The following PCDHGA5 variants were observed in gnomAD, a reference collection of about 807,000 sequenced individuals.
The protein encoded by PCDHGA5 is protocadherin gamma subfamily A, 5, also known as protocadherin gamma-A5.
PCDHGA5 carries 36 observed loss-of-function variants against 56.7 expected under a neutral mutation model. The ratio of observed to expected loss-of-function variants is 0.64; its 90% CI spans 0.49 to 0.84. The LOEUF (loss-of-function observed/expected upper bound fraction) is 0.84, where lower values mean the gene tolerates loss of function less well. Ranked by LOEUF, PCDHGA5 falls within the 40% of genes least tolerant of loss-of-function variation. PCDHGA5 has a pLI of 0.00. For missense variants in PCDHGA5, 1,305 were observed against 1,201.5 expected (o/e 1.09, Z -1.27); for synonymous variants, 563 against 520.2 (o/e 1.08, Z -1.12).
At chr5:141,438,595 T>C (rs11949887) in intron 1 of PCDHGA5, among the ~76,000 whole-genome samples, 1,254 of 57,838 alleles carry the variant, frequency 0.022, 9 homozygotes, top group Non-Finnish European at 0.023. Flanking sequence ...TACATACATA[T>C]ATATATATAT....
intron 1 of PCDHGA5, among the ~76,000 whole-genome samples, chr5:141,381,932 C>A (rs1205042648): frequency 2.1e-5 from 3 of 144,772 alleles, no homozygotes; most frequent in Non-Finnish European, 4.5e-5. Flanking sequence ...CGGGTTCAAG[C>A]GATTTTCCTG....
rs749469652 is a variant in PCDHGA5, at chr5:141,371,514, CT to C, written c.2421+4764del. On this transcript the variant is annotated intron_variant, in intron 1 of 3. Transcript: ENST00000518069. The stretch of plus-strand genomic sequence containing the variant: ...CGTTGCCCTGATCAAAACACATGAT[CT>C]AGATTCTGGATTTAATGGAGAAATC... The C allele has an allele frequency of 1.9e-6, 3 of 1,613,792 alleles. No homozygotes were observed. The South Asian group carries it at 3.3e-5, about 18-fold the overall frequency.
intron 1 of PCDHGA5, chr5:141,423,833 T>G: frequency 1.8e-5 from 23 of 1,262,362 alleles, no homozygotes; most frequent in East Asian, 7.3e-5. Flanking sequence ...TTCATGAGAT[T>G]ACGATAATCT....
intron 1 of PCDHGA5, chr5:141,417,697 C>T: frequency 8.8e-7 from 1 of 1,140,966 alleles, no homozygotes; most frequent in Non-Finnish European, 1.2e-6. Context: ...AAAACCAGCT[C>T]CCACACAGAG....
rs762413220 is a variant in PCDHGA5 at position 141,403,196 on chromosome 5, G to T, written c.2421+36445G>T. 1.9e-6 allele frequency: 3 copies of T among 1,613,986 alleles called. No individual in the cohort carries two copies. The South Asian group carries it at 3.3e-5, about 18-fold the overall frequency. ...GCTTTTCTCTCTGAACCCGCGCAGC[G>T]GCACCTTGGTCACCGCGGGTAGGAT... is the stretch of plus-strand genomic sequence containing the variant. On this transcript the variant is annotated intron_variant, in intron 1 of 3. Transcript: ENST00000518069.
chr5:141,482,135 G>T (rs987110875), intron 1 of PCDHGA5, among the ~76,000 whole-genome samples: 1 of 151,836 alleles, frequency 6.6e-6, no homozygotes, highest in African/African-American at 2.4e-5. Context: ...CATATGGCTG[G>T]CATAAAAAGG....
intron 1 of PCDHGA5, chr5:141,372,728 A>G (rs1769012432): frequency 1.2e-6 from 2 of 1,613,562 alleles, no homozygotes; most frequent in African/African-American, 2.7e-5. Flanking sequence ...CTGCACCACA[A>G]GATCTTCTAT....
chr5:141,437,512 G>A (rs1201910374), intron 1 of PCDHGA5, among the ~76,000 whole-genome samples: 2 of 152,144 alleles, frequency 1.3e-5, no homozygotes, highest in African/African-American at 2.4e-5. Flanking sequence ...TGAATTATAA[G>A]GCTGATGACA....
At chr5:141,501,238 G>A (rs1482962385) in intron 2 of PCDHGA5, among the ~76,000 whole-genome samples, 2 of 151,018 alleles carry the variant, frequency 1.3e-5, no homozygotes, top group African/African-American at 4.9e-5. Flanking sequence ...AGTTTTTTGA[G>A]CATGATGTAG....
At chr5:141,433,604 G>A (rs2097631609) in intron 1 of PCDHGA5, among the ~76,000 whole-genome samples, 1 of 152,138 alleles carries the variant, frequency 6.6e-6, no homozygotes, top group Non-Finnish European at 1.5e-5. Flanking sequence ...GGGAGGCCGA[G>A]GCGGGTGGAT....
intron 1 of PCDHGA5, among the ~76,000 whole-genome samples, chr5:141,483,907 C>T (rs545585133): frequency 6.0e-5 from 9 of 151,124 alleles, no homozygotes; most frequent in Non-Finnish European, 1.0e-4. Flanking sequence ...TGGTGTGTTT[C>T]CCACTCAGAT....
chr5:141,438,180 A>G (rs2097937602), intron 1 of PCDHGA5, among the ~76,000 whole-genome samples: 1 of 152,204 alleles, frequency 6.6e-6, no homozygotes, highest in African/African-American at 2.4e-5. Context: ...AATATTTTAT[A>G]AAGGATGAGA....
chr5:141,489,210 G>C lies in PCDHGA5; in HGVS notation c.2422-5597G>C. ...TCTACCTTGGAGACAGGACAGCACA[G>C]ACTTACTCTCCACAAAGGGACTTCT... On this transcript the variant is annotated intron_variant, in intron 1 of 3. Coordinates refer to ENST00000518069, the MANE Select transcript of PCDHGA5 (RefSeq NM_018918.3). This position sits in a 1 kb window ranked among gnomAD's most constrained non-coding sequence, Gnocchi z 4.5. 6.8e-7 allele frequency: 1 copy of C among 1,461,860 alleles called. No individual in the cohort carries two copies. Among genetic ancestry groups the C allele is most frequent in the African/African-American group, 1.4e-5 (1 of 70,802 alleles). 90.6% of individuals were successfully genotyped at this position (1,461,860 alleles called of 1,614,324 possible).
At chr5:141,396,826 T>C (rs2150684125) in intron 1 of PCDHGA5, among the ~76,000 whole-genome samples, 1 of 152,342 alleles carries the variant, frequency 6.6e-6, no homozygotes, top group South Asian at 2.1e-4. Flanking sequence ...ATGGTGCATA[T>C]TCAGTGGAGT....
intron 1 of PCDHGA5, chr5:141,403,617 G>A (rs369607013): frequency 1.8e-4 from 288 of 1,613,738 alleles, no homozygotes; most frequent in East Asian, 1.0e-3. Context: ...GAGCCGCGTC[G>A]CTCCAGCACA....
chr5:141,433,358 C>CCTATCTAT (rs3074541), intron 1 of PCDHGA5: 29,853 of 503,480 alleles, frequency 0.059, 1,017 homozygotes, highest in East Asian at 0.071. Context: ...CTACTGTCTG[C>CCTATCTAT]CTATCTATCT....
chr5:141,394,809 G>C (rs1346374248), intron 1 of PCDHGA5: 1 of 1,613,892 alleles, frequency 6.2e-7, no homozygotes, highest in Non-Finnish European at 8.5e-7. Flanking sequence ...AGCCGTGGCT[G>C]ACAGCATCCC....
At chr5:141,394,733 G>A (rs1353984219) in intron 1 of PCDHGA5, 1 of 1,613,324 alleles carries the variant, frequency 6.2e-7, no homozygotes, top group South Asian at 1.1e-5. Flanking sequence ...CGCTCAAGCA[G>A]AGCCTCGTGG....
At chr5:141,368,533 CT>C (rs1239634165) in intron 1 of PCDHGA5, among the ~76,000 whole-genome samples, 2 of 152,024 alleles carry the variant, frequency 1.3e-5, no homozygotes, top group Non-Finnish European at 2.9e-5. Context: ...TGAAAACTTG[CT>C]TTTCCATTTT....
Sources: gnomAD v4.1 joint callset for allele counts (sites outside exome capture counted in the v4.1 genomes callset) on GRCh38, gnomAD v4.1.1 for gene constraint, Gnocchi (gnomAD v3.1) non-coding constraint, MANE v1.5 for transcripts, NCBI Gene and HGNC (gene_info 2026-07-23, HGNC 2026-07-21) for gene names.